The following FARP1 variants were observed in gnomAD, a reference collection of about 807,000 sequenced individuals.
FARP1 encodes FERM, ARHGEF and pleckstrin domain-containing protein 1.
In FARP1, 52 loss-of-function variants were observed where a neutral mutation model predicts 128.8. The observed-to-expected ratio is 0.40, with a 90% CI of 0.32 to 0.51. The LOEUF (loss-of-function observed/expected upper bound fraction) is 0.51, where lower values mean the gene tolerates loss of function less well. Among genes scored for constraint, FARP1 ranks in the 20% least tolerant of loss-of-function variants. The probability of loss-of-function intolerance (pLI) is 0.45; values close to 1 mark genes in which losing one functional copy is unlikely to be tolerated. For synonymous variants in FARP1, 580 were observed against 551.8 expected, an observed-to-expected ratio of 1.05 and a Z score of -0.72; for missense variants, 1,333 against 1,367.9, an observed-to-expected ratio of 0.97 and a Z score of 0.40.
At chr13:98,367,377 G>C (rs1889134146) in intron 4 of FARP1, among the ~76,000 whole-genome samples, 1 of 152,086 alleles carries the variant, frequency 6.6e-6, no homozygotes, top group Non-Finnish European at 1.5e-5. Context: ...TCAAACTCCT[G>C]GCCACAGATG....
intron 2 of FARP1, among the ~76,000 whole-genome samples, chr13:98,222,929 C>T (rs1374318056): frequency 6.6e-6 from 1 of 152,000 alleles, no homozygotes; most frequent in East Asian, 1.9e-4. Flanking sequence ...AGCCACCGTG[C>T]CTGGCCGGAA....
At chr13:98,273,023 A>C (rs1166758617) in intron 2 of FARP1, among the ~76,000 whole-genome samples, 1 of 152,206 alleles carries the variant, frequency 6.6e-6, no homozygotes, top group Non-Finnish European at 1.5e-5. Context: ...GGTCCTGAGA[A>C]AGTGCGCCCA....
At chr13:98,398,980 T>G (rs147160693) in intron 13 of FARP1, 1 of 152,348 alleles carries the variant, frequency 6.6e-6, no homozygotes, top group African/African-American at 2.4e-5. Flanking sequence ...GATTTTTATC[T>G]AAGTATTTTA....
chr13:98,429,723 G>A (rs1020739014), intron 17 of FARP1, among the ~76,000 whole-genome samples: 4 of 152,096 alleles, frequency 2.6e-5, no homozygotes, highest in African/African-American at 7.2e-5. Context: ...AGCTTTTTCC[G>A]GGGCGTGGGA....
At chr13:98,195,088 T>C (rs1337127411) in intron 1 of FARP1, among the ~76,000 whole-genome samples, 4 of 152,212 alleles carry the variant, frequency 2.6e-5, no homozygotes, top group Non-Finnish European at 5.9e-5. Flanking sequence ...TGGCCCTTCT[T>C]ATTATGTAAA....
At chr13:98,182,539 C>T (rs12429778) in intron 1 of FARP1, among the ~76,000 whole-genome samples, 7,902 of 152,228 alleles carry the variant, frequency 0.052, 264 homozygotes, top group African/African-American at 0.09. Flanking sequence ...ATTGCCCAGG[C>T]TGGTCTCAAA....
At chr13:98,296,330 C>T (rs532191298) in intron 2 of FARP1, among the ~76,000 whole-genome samples, 3 of 152,258 alleles carry the variant, frequency 2.0e-5, no homozygotes, top group African/African-American at 7.2e-5. Context: ...CCAGCACATG[C>T]GCACACTCTC....
chr13:98,376,435 T>A (rs1889587872), intron 5 of FARP1, among the ~76,000 whole-genome samples: 1 of 152,236 alleles, frequency 6.6e-6, no homozygotes, highest in African/African-American at 2.4e-5. Flanking sequence ...CCAATCATGC[T>A]GTGCAAATGA....
chr13:98,347,265 TGTG>T (rs1566903671), intron 3 of FARP1, among the ~76,000 whole-genome samples: 1 of 151,970 alleles, frequency 6.6e-6, no homozygotes. Flanking sequence ...TTTTTTTAAT[TGTG>T]GTCAAAAACA....
At chr13:98,304,464 G>C (rs564363938) in intron 2 of FARP1, among the ~76,000 whole-genome samples, 18 of 152,302 alleles carry the variant, frequency 1.2e-4, no homozygotes, top group Non-Finnish European at 2.9e-5. Context: ...TGGGGTGTTA[G>C]GTCCAGAAAG....
chr13:98,186,026 A>T (rs1878843499), intron 1 of FARP1, among the ~76,000 whole-genome samples: 1 of 152,016 alleles, frequency 6.6e-6, no homozygotes, highest in African/African-American at 2.4e-5. Context: ...ATTTTCAAGC[A>T]TGCAGCACAG....
chr13:98,356,064 G>C (rs1377509988), intron 3 of FARP1, among the ~76,000 whole-genome samples: 1 of 152,148 alleles, frequency 6.6e-6, no homozygotes, highest in African/African-American at 2.4e-5. Flanking sequence ...ACTTGGAAAA[G>C]ACTGTATGTT....
chr13:98,313,758 G>A (rs1886595146), intron 2 of FARP1, among the ~76,000 whole-genome samples: 2 of 152,198 alleles, frequency 1.3e-5, no homozygotes, highest in Admixed American at 1.3e-4. Flanking sequence ...AAATGCGGAA[G>A]AAGTAACATG....
chr13:98,217,183 A>G (rs1221682048), intron 2 of FARP1, among the ~76,000 whole-genome samples: 1 of 152,206 alleles, frequency 6.6e-6, no homozygotes, highest in Non-Finnish European at 1.5e-5. Context: ...TTTCATTAGC[A>G]GTGTTTCTAT....
intron 1 of FARP1, among the ~76,000 whole-genome samples, chr13:98,160,445 ACT>A (rs1179199636): frequency 6.6e-6 from 1 of 152,306 alleles, no homozygotes; most frequent in Non-Finnish European, 1.5e-5. Context: ...GCTGTGTTTC[ACT>A]GAGGCTTTAA....
At chr13:98,417,752 G>A (rs1273347845) in intron 16 of FARP1, among the ~76,000 whole-genome samples, 1 of 152,218 alleles carries the variant, frequency 6.6e-6, no homozygotes, top group Non-Finnish European at 1.5e-5. Flanking sequence ...TTGCCGTGAT[G>A]CTAGGTGGCT....
rs1879197902 is a variant in FARP1 at position 98,191,059 on chromosome 13, C to T, written c.-23-22161C>T. On this transcript the variant is annotated intron_variant, in intron 1 of 26. Coordinates refer to ENST00000319562, the MANE Select transcript of FARP1 (RefSeq NM_005766.4). Reference sequence around the variant, plus strand: ...TCCTAAAAGCAGAGCTGACACGCAACGTGGCCAGGACCTTTCCTCTCCGGC... The same window carrying T: ...TCCTAAAAGCAGAGCTGACACGCAATGTGGCCAGGACCTTTCCTCTCCGGC... Among the ~76,000 whole-genome samples the T allele has an allele frequency of 2.0e-5, 3 of 152,318 alleles. No individual in the cohort carries two copies. The South Asian group carries it at 6.2e-4, about 32-fold the overall frequency.
intron 2 of FARP1, among the ~76,000 whole-genome samples, chr13:98,256,672 G>A (rs1201290585): frequency 6.6e-6 from 1 of 150,994 alleles, no homozygotes; most frequent in Non-Finnish European, 1.5e-5. Context: ...TGATTCTTGT[G>A]CTTTGGCCTC....
rs371298755 is a variant in FARP1 at position 98,453,203 on chromosome 13, A to G, written c.*4886A>G. 10 of 1,613,504 alleles carry G rather than the reference A, an allele frequency of 6.2e-6. No individual in the cohort carries two copies. In the East Asian group the frequency reaches 2.2e-4, roughly 36 times the overall value. ...GGGATGAAGTTCCTCCACCACTTAG[A>G]GAGTATCTAGGGAAAAAGAGAGAGA... On this transcript the variant is annotated 3_prime_UTR_variant, in exon 27 of 27. Transcript: ENST00000319562.
Sources: gnomAD v4.1 joint callset for allele counts (sites outside exome capture counted in the v4.1 genomes callset) on GRCh38, gnomAD v4.1.1 for gene constraint, MANE v1.5 for transcripts, NCBI Gene and HGNC (gene_info 2026-07-23, HGNC 2026-07-21) for gene names.